LUZP2: variants seen among roughly 807,000 people sequenced by gnomAD.
The protein encoded by LUZP2 is leucine zipper protein 2.
LUZP2 carries 52 observed loss-of-function variants against 51.6 expected under a neutral mutation model. The observed-to-expected ratio is 1.01, with a 90% confidence interval of 0.81 to 1.27. The LOEUF is 1.27. Ranked by LOEUF, LUZP2 falls within the 50% of genes most tolerant of loss-of-function variation. The probability of loss-of-function intolerance (pLI) is 0.00; values close to 1 mark genes in which losing one functional copy is unlikely to be tolerated. For missense variants in LUZP2, 436 were observed against 395.4 expected (o/e 1.10, Z -0.87); for synonymous variants, 154 against 137.3 (o/e 1.12, Z -0.85).
At chr11:24,667,326 G>A (rs1032824697) in intron 1 of LUZP2, among the ~76,000 whole-genome samples, 1 of 151,650 alleles carries the variant, frequency 6.6e-6, no homozygotes, top group Admixed American at 6.6e-5. Flanking sequence ...TGGGACTACA[G>A]ACATGTGCCA....
intron 7 of LUZP2, among the ~76,000 whole-genome samples, chr11:24,942,154 T>C (rs1854769787): frequency 6.6e-6 from 1 of 152,166 alleles, no homozygotes; most frequent in Non-Finnish European, 1.5e-5. Context: ...GGGACTATTA[T>C]AAATACTGCT....
intron 5 of LUZP2, among the ~76,000 whole-genome samples, chr11:24,825,452 A>G (rs562738184): frequency 1.0e-3 from 152 of 152,234 alleles, no homozygotes; most frequent in African/African-American, 3.5e-3. Context: ...GGTCTCTCAG[A>G]AAACTGCATT....
At chr11:24,605,257 T>C (rs1853877002) in intron 1 of LUZP2, among the ~76,000 whole-genome samples, 1 of 151,820 alleles carries the variant, frequency 6.6e-6, no homozygotes, top group Non-Finnish European at 1.5e-5. Flanking sequence ...CCATTTTACA[T>C]AAAGAGCTCC....
In LUZP2 at chr11:24,934,295, CA is replaced by C. The variant is rs200082573; in HGVS notation, c.522+19759del. On this transcript the variant is annotated intron_variant, in intron 7 of 11. Coordinates refer to ENST00000336930, the MANE Select transcript of LUZP2 (RefSeq NM_001009909.4). ...CCTGACACATACATCCAAAGTTTAA[CA>C]ATTTAGAAACCATTGCTTTACAGAT... Among the ~76,000 whole-genome samples the C allele has an allele frequency of 7.0e-3, 1,071 of 152,248 alleles. 13 individuals carry two copies. The highest frequency in any genetic ancestry group is 0.024 in the African/African-American group (996 of 41,546).
At chr11:24,742,732 C>T (rs930612827) in intron 4 of LUZP2, among the ~76,000 whole-genome samples, 5 of 152,062 alleles carry the variant, frequency 3.3e-5, no homozygotes, top group Admixed American at 6.6e-5. Flanking sequence ...GTTTTTATTG[C>T]GTTTGCTTTT....
At chr11:24,588,640 TC>T (rs879551797) in intron 1 of LUZP2, among the ~76,000 whole-genome samples, 1 of 150,822 alleles carries the variant, frequency 6.6e-6, no homozygotes, top group East Asian at 1.9e-4. Context: ...AATAATTTTT[TC>T]CCAAAAAGAT....
At chr11:25,007,626 A>G (rs1248126241) in intron 9 of LUZP2, among the ~76,000 whole-genome samples, 1 of 152,082 alleles carries the variant, frequency 6.6e-6, no homozygotes, top group Non-Finnish European at 1.5e-5. Flanking sequence ...AAAACAAAAC[A>G]AAACAAAACA....
intron 1 of LUZP2, among the ~76,000 whole-genome samples, chr11:24,589,734 T>C (rs1853194684): frequency 6.6e-6 from 1 of 152,166 alleles, no homozygotes; most frequent in South Asian, 2.1e-4. Flanking sequence ...CTTGAAATCA[T>C]ATATAACGGA....
intron 9 of LUZP2, among the ~76,000 whole-genome samples, chr11:25,026,395 A>G (rs893186318): frequency 6.6e-6 from 1 of 152,170 alleles, no homozygotes; most frequent in Non-Finnish European, 1.5e-5. Flanking sequence ...AACATTTGGT[A>G]TTTACAAACT....
chr11:24,671,573 CA>C, intron 1 of LUZP2, among the ~76,000 whole-genome samples: 1 of 151,842 alleles, frequency 6.6e-6, no homozygotes, highest in African/African-American at 2.4e-5. Context: ...CACACACACA[CA>C]CACACACACA....
At chr11:24,801,738 T>G (rs1393026849) in intron 5 of LUZP2, among the ~76,000 whole-genome samples, 1 of 151,390 alleles carries the variant, frequency 6.6e-6, no homozygotes, top group Non-Finnish European at 1.5e-5. Context: ...GGCAAAACTT[T>G]CCTAAATTTA....
At chr11:24,979,772 A>G (rs1446198) in intron 8 of LUZP2, among the ~76,000 whole-genome samples, 136,712 of 151,714 alleles carry the variant, frequency 0.9, 63,283 homozygotes, top group Non-Finnish European at 1. Flanking sequence ...AAAAATGTTT[A>G]TATAGTATCT....
At chr11:24,940,845 T>C (rs886845506) in intron 7 of LUZP2, among the ~76,000 whole-genome samples, 9 of 152,150 alleles carry the variant, frequency 5.9e-5, no homozygotes, top group African/African-American at 1.7e-4. Context: ...AAATCATCAC[T>C]ACTCTACAGA....
rs546636085 is a variant in LUZP2, at chr11:24,896,337, G to T, written c.397-9654G>T. ...CTGTGCAGGGCAATTGCGGGCCACA[G>T]TGAGTTCTGGGTGGGCGGGGCCTCA... is the stretch of plus-strand genomic sequence containing the variant. On this transcript the variant is annotated intron_variant, in intron 5 of 11. Transcript: ENST00000336930. Among the ~76,000 whole-genome samples, 8 of 152,276 alleles carry T rather than the reference G, an allele frequency of 5.3e-5. No individual in the cohort carries two copies. In the South Asian group the frequency reaches 1.7e-3, roughly 32 times the overall value.
intron 5 of LUZP2, among the ~76,000 whole-genome samples, chr11:24,790,093 A>G (rs939620360): frequency 1.3e-5 from 2 of 152,096 alleles, no homozygotes; most frequent in African/African-American, 2.4e-5. Flanking sequence ...TCTCTCATGT[A>G]TCATAAATTT....
chr11:24,676,994 G>A (rs1341812986), intron 1 of LUZP2, among the ~76,000 whole-genome samples: 1 of 152,042 alleles, frequency 6.6e-6, no homozygotes, highest in African/African-American at 2.4e-5. Flanking sequence ...TACAGAACTT[G>A]TAATTCCACA....
chr11:24,865,285 A>G (rs2134253565), intron 5 of LUZP2, among the ~76,000 whole-genome samples: 1 of 152,336 alleles, frequency 6.6e-6, no homozygotes, highest in South Asian at 2.1e-4. Flanking sequence ...TGCTTAGTAA[A>G]TGTTAACCAC....
At chr11:24,600,062 C>G (rs768055342) in intron 1 of LUZP2, among the ~76,000 whole-genome samples, 1 of 152,040 alleles carries the variant, frequency 6.6e-6, no homozygotes, top group Admixed American at 6.6e-5. Flanking sequence ...TGTGACCTTA[C>G]TTGAAAATAG....
At chr11:24,623,249 GA>G (rs60679149) in intron 1 of LUZP2, among the ~76,000 whole-genome samples, 2 of 150,978 alleles carry the variant, frequency 1.3e-5, no homozygotes, top group African/African-American at 2.4e-5. Flanking sequence ...ATGGGAAAAG[GA>G]AAAAAAAATT....
Sources: allele counts gnomAD v4.1 joint callset (sites outside exome capture counted in the v4.1 genomes callset), GRCh38; gene constraint gnomAD v4.1.1; transcripts MANE v1.5; gene names NCBI Gene and HGNC (gene_info 2026-07-23, HGNC 2026-07-21).